TUB: variants seen among roughly 807,000 people sequenced by gnomAD.
TUB encodes TUB bipartite transcription factor, also known as tubby protein homolog.
Under a neutral mutation model 59.7 loss-of-function variants are expected in TUB, and 33 were observed. The ratio of observed to expected loss-of-function variants is 0.55; its 90% confidence interval spans 0.42 to 0.74. TUB has a LOEUF of 0.74. Ranked by LOEUF, TUB falls within the 30% of genes least tolerant of loss-of-function variation. TUB has a pLI of 0.00. For missense variants in TUB, 659 were observed against 672.0 expected (o/e 0.98, Z 0.21); for synonymous variants, 293 against 256.4 (o/e 1.14, Z -1.36).
chr11:8,079,052 G>C (rs951442417), upstream of TUB, among the ~76,000 whole-genome samples: 7 of 152,024 alleles, frequency 4.6e-5, no homozygotes, highest in African/African-American at 7.2e-5. Context: ...TCTGCCTCCA[G>C]ATTTTGCTCC....
At chr11:8,096,165 G>A (rs1171005998) in intron 5 of TUB, among the ~76,000 whole-genome samples, 1 of 152,230 alleles carries the variant, frequency 6.6e-6, no homozygotes, top group Non-Finnish European at 1.5e-5. Context: ...GGGAATGGCA[G>A]GCGGGAGGAC....
At chr11:8,068,123 C>T (rs566680744) in intron 2 of TUB, 2 of 152,318 alleles carry the variant, frequency 1.3e-5, no homozygotes, top group South Asian at 2.1e-4. Context: ...ATAAGAAAAC[C>T]GAGGCGGAAA....
chr11:8,077,192 A>G (rs916408969), upstream of TUB: 3 of 152,170 alleles, frequency 2.0e-5, no homozygotes, highest in African/African-American at 7.2e-5. Context: ...ATTTCTTTCT[A>G]AAGGTTACAT....
In TUB at chr11:8,102,960, T is replaced by C. The variant is rs1430252650; in HGVS notation, c.*1341T>C. The C allele has an allele frequency of 6.6e-6, 1 of 152,214 alleles. No homozygotes were observed. The highest frequency in any genetic ancestry group is 1.5e-5 in the Non-Finnish European group (1 of 68,042). 9.4% of individuals were successfully genotyped at this position (152,214 alleles called of 1,614,324 possible). A position where few individuals can be genotyped will look rare whatever the true frequency, so the allele number is the denominator to read the frequency against. ...TCCCCACTTCCCCCGATTCAGAGAC[T>C]TAGAAGCATCAGAGTTGATAAATTA... On this transcript the variant is annotated 3_prime_UTR_variant, in exon 12 of 12. Transcript: ENST00000299506.
At chr11:8,023,992 C>G (rs1312780440) in intron 1 of TUB, among the ~76,000 whole-genome samples, 1 of 152,192 alleles carries the variant, frequency 6.6e-6, no homozygotes, top group Non-Finnish European at 1.5e-5. Flanking sequence ...GGATAAATTC[C>G]TAGATGATGA....
chr11:8,037,776 T>G (rs1942672687), upstream of TUB, among the ~76,000 whole-genome samples: 1 of 152,166 alleles, frequency 6.6e-6, no homozygotes, highest in Non-Finnish European at 1.5e-5. Flanking sequence ...TAAAGTAGCT[T>G]AGATTCTGTC....
chr11:8,059,093 T>C (rs1289766285), intron 2 of TUB, among the ~76,000 whole-genome samples: 1 of 152,104 alleles, frequency 6.6e-6, no homozygotes, highest in Non-Finnish European at 1.5e-5. Context: ...GAGGGACAGA[T>C]GTAACTTGCA....
chr11:8,092,303 A>G (rs1431775642), intron 3 of TUB, among the ~76,000 whole-genome samples: 1 of 152,042 alleles, frequency 6.6e-6, no homozygotes, highest in East Asian at 1.9e-4. Context: ...GTGTGGTGAC[A>G]CCTGCCTGTA....
intron 1 of TUB, among the ~76,000 whole-genome samples, chr11:8,025,513 A>G (rs932355896): frequency 6.6e-6 from 1 of 152,166 alleles, no homozygotes; most frequent in African/African-American, 2.4e-5. Flanking sequence ...CACCCACTCC[A>G]CCCATCCTCA....
intron 2 of TUB, among the ~76,000 whole-genome samples, chr11:8,066,722 C>G (rs886754742): frequency 2.0e-5 from 3 of 152,186 alleles, no homozygotes; most frequent in South Asian, 4.1e-4. Flanking sequence ...TCAGAGCTCA[C>G]GTCTAGGAGA....
In TUB at chr11:8,104,812, C is replaced by G. The variant is rs528484870; in HGVS notation, c.*3193C>G. On this transcript the variant is annotated 3_prime_UTR_variant, in exon 12 of 12. Coordinates refer to ENST00000299506, the MANE Select transcript of TUB (RefSeq NM_177972.3). ...CAGAGGAAGCACATAATGTCCAGAT[C>G]TATGGCGAACACAGGTGTTGGAAGC... 6.6e-6 allele frequency: 1 copy of G among 152,078 alleles called. No individual in the cohort carries two copies. Among genetic ancestry groups the G allele is most frequent in the Non-Finnish European group, 1.5e-5 (1 of 68,010 alleles). The allele number at this position is 152,078 out of a possible 1,614,324, so 9.4% of individuals were successfully genotyped here.
intron 1 of TUB, among the ~76,000 whole-genome samples, chr11:8,084,177 AG>A (rs1176641534): frequency 6.6e-6 from 1 of 151,980 alleles, no homozygotes; most frequent in African/African-American, 2.4e-5. Context: ...TCTGCTGGTG[AG>A]GGTTTTACTC....
At chr11:8,090,000 C>A in intron 2 of TUB, 69 bp from the exon 3 acceptor site, 1 of 1,486,876 alleles carries the variant, frequency 6.7e-7, no homozygotes, top group Non-Finnish European at 9.0e-7. Flanking sequence ...GGCTGTGGAC[C>A]CCCCGATAAC....
intron 2 of TUB, among the ~76,000 whole-genome samples, chr11:8,048,908 C>T (rs1282148379): frequency 6.6e-6 from 1 of 152,126 alleles, no homozygotes; most frequent in East Asian, 1.9e-4. Flanking sequence ...ATGCCAGACT[C>T]TGTATTGTTT....
At chr11:8,038,365 A>G (rs1942681852), upstream of TUB, among the ~76,000 whole-genome samples, 1 of 152,140 alleles carries the variant, frequency 6.6e-6, no homozygotes. Flanking sequence ...GAGGACACAG[A>G]CAAGCAAATC....
chr11:8,080,924 A>G (rs189108787), upstream of TUB, among the ~76,000 whole-genome samples: 1,088 of 152,216 alleles, frequency 7.1e-3, 35 homozygotes, highest in Admixed American at 0.057. Flanking sequence ...TTCCCATCCC[A>G]TAGCGCAGAT....
At chr11:8,079,313 G>C (rs1341398571), upstream of TUB, among the ~76,000 whole-genome samples, 1 of 152,116 alleles carries the variant, frequency 6.6e-6, no homozygotes, top group East Asian at 1.9e-4. Flanking sequence ...TGATCTCTAG[G>C]CAAGGTTCTG....
intron 1 of TUB, 33 bp from the exon 2 acceptor site, chr11:8,089,577 G>A: frequency 6.2e-7 from 1 of 1,613,948 alleles, no homozygotes; most frequent in African/African-American, 1.3e-5. Flanking sequence ...CACCTCACGG[G>A]CAAGCCCTGA....
intron 2 of TUB, among the ~76,000 whole-genome samples, chr11:8,049,462 C>T (rs1942891135): frequency 6.6e-6 from 1 of 151,702 alleles, no homozygotes; most frequent in African/African-American, 2.4e-5. Flanking sequence ...TGGCCGAGGC[C>T]CAGCAAAGAG....
Sources: allele counts gnomAD v4.1 joint callset (sites outside exome capture counted in the v4.1 genomes callset), GRCh38; gene constraint gnomAD v4.1.1; transcripts MANE v1.5; gene names NCBI Gene and HGNC (gene_info 2026-07-23, HGNC 2026-07-21).